Variants in TRUB2 observed in about 807,000 individuals in gnomAD.
TRUB2 encodes the protein pseudouridylate synthase TRUB2, mitochondrial.
Under a neutral mutation model 31.9 loss-of-function variants are expected in TRUB2, and 31 were observed. The ratio of observed to expected loss-of-function variants is 0.97; its 90% CI spans 0.73 to 1.31. The LOEUF (loss-of-function observed/expected upper bound fraction) is 1.31, where lower values mean the gene tolerates loss of function less well. Among genes scored for constraint, TRUB2 ranks in the 50% most tolerant of loss-of-function variants. The pLI is 0.00. For missense variants in TRUB2, 451 were observed against 439.6 expected (o/e 1.03, Z -0.23); for synonymous variants, 201 against 182.6 (o/e 1.10, Z -0.81).
rs1564388071 is a variant in TRUB2, at chr9:128,322,342, AT to A, written c.66del (p.Lys22AsnfsTer14). On this transcript the variant is annotated frameshift_variant, in exon 1 of 8. Coordinates refer to ENST00000372890, the MANE Select transcript of TRUB2 (RefSeq NM_015679.3). LOFTEE classifies it high-confidence loss of function. ...LFAVYKPPGL[K>X]WKHLRDTVEL... ...TCCACTGTATCCCGCAGGTGCTTCCATTTTAGCCCCGGGGGCTTATAGACCG... is the reference window on the plus strand; with the variant it reads ...TCCACTGTATCCCGCAGGTGCTTCCATTTAGCCCCGGGGGCTTATAGACCG... 1 of 1,614,092 alleles carries A rather than the reference AT, an allele frequency of 6.2e-7. No homozygotes were observed. The highest frequency in any genetic ancestry group is 8.5e-7 in the Non-Finnish European group (1 of 1,180,022).
intron 2 of TRUB2, 122 bp from the exon 3 acceptor site, chr9:128,317,348 ACT>A: frequency 1.2e-6 from 1 of 842,528 alleles, no homozygotes; most frequent in East Asian, 2.7e-5. Flanking sequence ...ATCAGGCCAG[ACT>A]CTCAGGCTTC....
In TRUB2 at chr9:128,309,056, T is replaced by C. The variant is rs13286637; in HGVS notation, c.*494A>G. ...TCTTCTTATTGCTTTCTAAGGGCTC[T>C]CTGTATACTATGGATATTAGTCCTT... On this transcript the variant is annotated 3_prime_UTR_variant, in exon 8 of 8. Transcript: ENST00000372890. 0.044 allele frequency: 6,806 copies of C among 155,916 alleles called. 199 individuals carry two copies. Among genetic ancestry groups the C allele is most frequent in the Non-Finnish European group, 0.067 (4,720 of 70,194 alleles). 9.7% of individuals were successfully genotyped at this position (155,916 alleles called of 1,614,324 possible).
At chr9:128,313,242 A>G (rs1832005531) in intron 5 of TRUB2, among the ~76,000 whole-genome samples, 2 of 147,404 alleles carry the variant, frequency 1.4e-5, no homozygotes, top group East Asian at 2.0e-4. Context: ...AAAGAAAAGG[A>G]AAGGCTGGGC....
chr9:128,313,967 T>C, intron 4 of TRUB2, 78 bp from the exon 5 acceptor site: 1 of 1,371,518 alleles, frequency 7.3e-7, no homozygotes, highest in African/African-American at 1.4e-5. Flanking sequence ...AAGCTGGGGG[T>C]GGGGGGTCCT....
At chr9:128,311,732 G>A (rs967835920) in intron 5 of TRUB2, 131 bp from the exon 6 acceptor site, 7 of 928,468 alleles carry the variant, frequency 7.5e-6, no homozygotes, top group Admixed American at 2.1e-5. Flanking sequence ...CCCATGGCGG[G>A]GTGGTTGGGA....
At chr9:128,319,384 G>A (rs1349857772) in intron 2 of TRUB2, among the ~76,000 whole-genome samples, 1 of 151,392 alleles carries the variant, frequency 6.6e-6, no homozygotes, top group Non-Finnish European at 1.5e-5. Context: ...CCAGCTACTC[G>A]GGAGGCTTAG....
rs1356436949 is a variant in TRUB2, at chr9:128,311,521, C to G, written c.533+8G>C. 1.2e-6 allele frequency: 2 copies of G among 1,613,954 alleles called. No individual in the cohort carries two copies. Among genetic ancestry groups the G allele is most frequent in the Middle Eastern group, 3.3e-4 (2 of 6,062 alleles). On this transcript the variant is annotated splice_region_variant and intron_variant, in intron 6 of 7. Coordinates refer to ENST00000372890, the MANE Select transcript of TRUB2 (RefSeq NM_015679.3). ...CTCTCCCAGTACCTCCCTGAGGGCC[C>G]TACTCACATCACCAGGGCCTTCTGA...
rs778797266 is a variant in TRUB2 at position 128,317,220 on chromosome 9, C to A, written c.248G>T (p.Gly83Val). The A allele has an allele frequency of 1.9e-6, 3 of 1,592,866 alleles. No individual in the cohort carries two copies. Among genetic ancestry groups the A allele is most frequent in the Non-Finnish European group, 2.6e-6 (3 of 1,168,132 alleles). The change falls in exon 3 of 8, where the codon GGA (glycine) becomes GTA (valine). Residue 83 changes from glycine to valine, a missense_variant. Physicochemically the swap from Gly to Val is moderately radical, Grantham distance 109 (BLOSUM62 -3). Coordinates refer to ENST00000372890, the MANE Select transcript of TRUB2 (RefSeq NM_015679.3). ...AACCTTGAGATGGGCGAATGCTGGT[C>A]CACATACTGGAAAGAAACAAACAAG... ...PSFINHPLVC[G>V]PAFAHLKVGV...
chr9:128,305,991 C>A lies in TRUB2; in HGVS notation c.*3559G>T, dbSNP rs77326415. The A allele has an allele frequency of 6.6e-6, 1 of 152,212 alleles. No homozygotes were observed. The highest frequency in any genetic ancestry group is 1.9e-4 in the East Asian group (1 of 5,200). 9.4% of individuals were successfully genotyped at this position (152,212 alleles called of 1,614,324 possible). A position where few individuals can be genotyped will look rare whatever the true frequency, so the allele number is the denominator to read the frequency against. On this transcript the variant is annotated 3_prime_UTR_variant, in exon 8 of 8. Coordinates refer to ENST00000372890, the MANE Select transcript of TRUB2 (RefSeq NM_015679.3). The stretch of plus-strand genomic sequence containing the variant: ...GGGATTACAGGCATGAGCCGCCACA[C>A]CCAGCAGAATTTTAATTTAAAAGCT...
intron 4 of TRUB2, 32 bp downstream of exon 4, chr9:128,315,535 G>T: frequency 6.2e-7 from 1 of 1,607,668 alleles, no homozygotes; most frequent in Non-Finnish European, 8.5e-7. Flanking sequence ...AAAGGACCAA[G>T]GGAGAAGCAG....
intron 2 of TRUB2, 122 bp from the exon 3 acceptor site, chr9:128,317,348 A>G (rs774260729): frequency 1.1e-5 from 9 of 842,410 alleles, no homozygotes; most frequent in Admixed American, 6.6e-5. Flanking sequence ...ATCAGGCCAG[A>G]CTCTCAGGCT....
At chr9:128,319,696 T>A (rs966692642) in intron 2 of TRUB2, among the ~76,000 whole-genome samples, 31 of 150,924 alleles carry the variant, frequency 2.1e-4, no homozygotes, top group African/African-American at 7.6e-4. Flanking sequence ...TGGAGTGCAG[T>A]GGCACGATCA....
Position 128,315,629 on chromosome 9 carries a change from C to T in TRUB2, c.317-1G>A, listed in dbSNP as rs1832055697. On this transcript the variant is annotated splice_acceptor_variant, in intron 3 of 7. Coordinates refer to ENST00000372890, the MANE Select transcript of TRUB2 (RefSeq NM_015679.3). LOFTEE classifies it high-confidence loss of function. The stretch of plus-strand genomic sequence containing the variant: ...CTGCATCCATGTCCCACGCCGAGCA[C>T]TGAAAAGCAGCCAGCGTCATCTCAC... 1 of 1,613,256 alleles carries T rather than the reference C, an allele frequency of 6.2e-7. No homozygotes were observed. The highest frequency in any genetic ancestry group is 8.5e-7 in the Non-Finnish European group (1 of 1,179,712).
At chr9:128,317,109 T>C in intron 3 of TRUB2, 43 bp downstream of exon 3, 1 of 1,530,770 alleles carries the variant, frequency 6.5e-7, no homozygotes, top group Non-Finnish European at 8.8e-7. Context: ...GGATCTTTTC[T>C]CAAGCCTTAT....
At chr9:128,319,141 A>G (rs962809597) in intron 2 of TRUB2, among the ~76,000 whole-genome samples, 1 of 151,952 alleles carries the variant, frequency 6.6e-6, no homozygotes, top group African/African-American at 2.4e-5. Context: ...CCTGCCTAAC[A>G]TGGTGAAACC....
At position 128,310,870 on chromosome 9, in the gene TRUB2, T is replaced by C; in HGVS notation, c.670+17A>G. On this transcript the variant is annotated intron_variant, in intron 7 of 7. Coordinates refer to ENST00000372890, the MANE Select transcript of TRUB2 (RefSeq NM_015679.3). Reference sequence around the variant, plus strand: ...ACGGGTCCCATCTCACTGCTCCAACTTCCTTGGCCAACCTACCTAAGAGGA... The same window carrying C: ...ACGGGTCCCATCTCACTGCTCCAACCTCCTTGGCCAACCTACCTAAGAGGA... 3 of 1,613,850 alleles carry C rather than the reference T, an allele frequency of 1.9e-6. No homozygotes were observed. Among genetic ancestry groups the C allele is most frequent in the Non-Finnish European group, 2.5e-6 (3 of 1,179,764 alleles).
chr9:128,322,242 G>T, intron 1 of TRUB2, 58 bp downstream of exon 1: 1 of 1,455,820 alleles, frequency 6.9e-7, no homozygotes, highest in Non-Finnish European at 9.6e-7. Flanking sequence ...GACCAGAAGC[G>T]GAGATGGACT....
At chr9:128,316,042 G>A (rs1006412886) in intron 3 of TRUB2, 9 of 210,066 alleles carry the variant, frequency 4.3e-5, no homozygotes, top group African/African-American at 2.0e-4. Context: ...CAGGCGCAGT[G>A]GCTCATGCCT....
intron 5 of TRUB2, among the ~76,000 whole-genome samples, chr9:128,312,235 T>G (rs992501163): frequency 1.4e-5 from 2 of 141,866 alleles, no homozygotes; most frequent in African/African-American, 5.4e-5. Context: ...CCTCCTGGAG[T>G]CAAGCAATTC....
Sources: allele counts gnomAD v4.1 joint callset (sites outside exome capture counted in the v4.1 genomes callset), GRCh38; gene constraint gnomAD v4.1.1; transcripts MANE v1.5; gene names NCBI Gene and HGNC (gene_info 2026-07-23, HGNC 2026-07-21).